Variants in SPTLC1 observed in about 807,000 individuals in gnomAD.
SPTLC1 encodes serine palmitoyltransferase long chain base subunit 1.
In SPTLC1, 55 loss-of-function variants were observed where a neutral mutation model predicts 68.9. The observed-to-expected ratio is 0.80, with a 90% CI of 0.64 to 1.00. The LOEUF is 1.00. SPTLC1 is among the 50% of genes least tolerant of loss of function. The pLI, the probability that SPTLC1 is intolerant of heterozygous loss-of-function variation, is 0.00. For missense variants in SPTLC1, 449 were observed against 573.1 expected (o/e 0.78, Z 2.21); for synonymous variants, 197 against 201.6 (o/e 0.98, Z 0.19).
At chr9:92,077,514 C>A (rs944441588) in intron 5 of SPTLC1, among the ~76,000 whole-genome samples, 1 of 152,108 alleles carries the variant, frequency 6.6e-6, no homozygotes, top group African/African-American at 2.4e-5. Context: ...AGACGACCAG[C>A]CTAGCTCCTC....
At chr9:92,105,921 C>A (rs1835959068) in intron 3 of SPTLC1, among the ~76,000 whole-genome samples, 1 of 150,476 alleles carries the variant, frequency 6.6e-6, no homozygotes, top group African/African-American at 2.4e-5. Flanking sequence ...TCTGCCCGGC[C>A]TCCTCACCAT....
chr9:92,114,565 G>T (rs916700382), intron 1 of SPTLC1, among the ~76,000 whole-genome samples: 2 of 152,024 alleles, frequency 1.3e-5, no homozygotes, highest in South Asian at 4.1e-4. Context: ...CAGAAACCCC[G>T]TCTCTAATAA....
intron 3 of SPTLC1, among the ~76,000 whole-genome samples, chr9:92,087,831 T>A (rs924391169): frequency 2.0e-5 from 3 of 152,262 alleles, no homozygotes; most frequent in Non-Finnish European, 2.9e-5. Flanking sequence ...TTTGTTTGTC[T>A]GTGCCCTGCC....
intron 4 of SPTLC1, 48 bp from the exon 5 acceptor site, chr9:92,080,136 T>C: frequency 1.3e-6 from 2 of 1,490,070 alleles, no homozygotes; most frequent in Non-Finnish European, 1.9e-6. Flanking sequence ...TCTTTAAGAG[T>C]TCAAAACAAA....
intron 5 of SPTLC1, among the ~76,000 whole-genome samples, chr9:92,075,848 C>T (rs75764672): frequency 0.07 from 10,672 of 152,252 alleles, 486 homozygotes; most frequent in East Asian, 0.15. Flanking sequence ...TCACTTACTA[C>T]CCACTACAAA....
intron 9 of SPTLC1, among the ~76,000 whole-genome samples, chr9:92,049,531 A>G (rs979637963): frequency 6.6e-6 from 1 of 152,016 alleles, no homozygotes; most frequent in Non-Finnish European, 1.5e-5. Context: ...AACTGTATCT[A>G]CCTCCCACAA....
In SPTLC1 at chr9:92,047,680, T is replaced by C. The variant is rs1198621911; in HGVS notation, c.917A>G (p.Asn306Ser). Residue 306 changes from asparagine (N) to serine (S), a missense_variant, in exon 10 of 15, where the codon AAC becomes AGC. Physicochemically the swap from Asn to Ser is conservative, Grantham distance 46. Transcript: ENST00000262554. The part of the protein sequence containing the change: ...NIDDIDLISA[N>S]MENALASIGG... ...AATAGAAGCAAGTGCATTCTCCATGTTGGCACTGATAAGATCAATATCATC... is the reference window on the plus strand; with the variant it reads ...AATAGAAGCAAGTGCATTCTCCATGCTGGCACTGATAAGATCAATATCATC... 1 of 1,613,364 alleles carries C rather than the reference T, an allele frequency of 6.2e-7. No individual in the cohort carries two copies. Among genetic ancestry groups the C allele is most frequent in the African/African-American group, 1.3e-5 (1 of 75,038 alleles).
intron 10 of SPTLC1, 61 bp downstream of exon 10, chr9:92,047,552 T>G: frequency 8.9e-7 from 1 of 1,125,612 alleles, no homozygotes; most frequent in South Asian, 1.3e-5. Context: ...AAATTATATT[T>G]TGAGGTGACC....
intron 5 of SPTLC1, chr9:92,070,225 G>A (rs1181591079): frequency 6.6e-6 from 1 of 152,182 alleles, no homozygotes; most frequent in Non-Finnish European, 1.5e-5. Context: ...CAGGTTTTGT[G>A]ACAGGTAAAT....
chr9:92,115,166 G>T, intron 1 of SPTLC1, 148 bp downstream of exon 1: 1 of 600,500 alleles, frequency 1.7e-6, no homozygotes, highest in Non-Finnish European at 3.1e-6. Flanking sequence ...GGGACTAGAA[G>T]CTCCCGGCAG....
At chr9:92,050,795 A>G (rs1833677608) in intron 8 of SPTLC1, among the ~76,000 whole-genome samples, 1 of 147,308 alleles carries the variant, frequency 6.8e-6, no homozygotes, top group South Asian at 2.2e-4. Flanking sequence ...ACTTAACAAA[A>G]GACAGCACAA....
intron 6 of SPTLC1, among the ~76,000 whole-genome samples, chr9:92,063,447 T>C (rs1477132443): frequency 6.6e-6 from 1 of 152,048 alleles, no homozygotes; most frequent in Non-Finnish European, 1.5e-5. Context: ...AATTAAATAA[T>C]TAAAAGTAAT....
chr9:92,038,110 C>G (rs1276302028), intron 13 of SPTLC1, 138 bp downstream of exon 13: 15 of 752,462 alleles, frequency 2.0e-5, no homozygotes, highest in Non-Finnish European at 2.9e-5. Context: ...ATGTCAAGAG[C>G]GGGTCACCAG....
intron 5 of SPTLC1, among the ~76,000 whole-genome samples, chr9:92,071,529 G>A (rs928256611): frequency 6.6e-6 from 1 of 152,206 alleles, no homozygotes; most frequent in African/African-American, 2.4e-5. Context: ...GTTTTCACAT[G>A]CGGTATCTTA....
At chr9:92,109,023 A>G (rs1836121282) in intron 2 of SPTLC1, 189 bp from the exon 3 acceptor site, 3 of 787,098 alleles carry the variant, frequency 3.8e-6, no homozygotes, top group Non-Finnish European at 5.7e-6. Context: ...ATGACCCACC[A>G]GACACATGCC....
intron 3 of SPTLC1, 30 bp downstream of exon 3, chr9:92,108,710 C>A (rs1445278620): frequency 6.3e-7 from 1 of 1,578,828 alleles, no homozygotes; most frequent in South Asian, 1.1e-5. Flanking sequence ...AAGCCAAATA[C>A]AAGTACTTCA....
intron 7 of SPTLC1, 109 bp from the exon 8 acceptor site, chr9:92,055,603 T>C (rs1833861953): frequency 9.2e-7 from 1 of 1,084,298 alleles, no homozygotes; most frequent in Non-Finnish European, 1.4e-6. Context: ...TAAAAAAATA[T>C]TCTGAATGAA....
chr9:92,073,769 C>T (rs1359239368), intron 5 of SPTLC1, among the ~76,000 whole-genome samples: 1 of 152,254 alleles, frequency 6.6e-6, no homozygotes, highest in Non-Finnish European at 1.5e-5. Context: ...TGCCAGGCGG[C>T]AGCGCGCCTT....
intron 3 of SPTLC1, among the ~76,000 whole-genome samples, chr9:92,084,152 G>T (rs1472258944): frequency 2.0e-5 from 3 of 151,284 alleles, no homozygotes; most frequent in Non-Finnish European, 4.4e-5. Context: ...CTGAGACAAT[G>T]GGGTTTTCTA....
Sources: gnomAD v4.1 joint callset for allele counts (sites outside exome capture counted in the v4.1 genomes callset) on GRCh38, gnomAD v4.1.1 for gene constraint, MANE v1.5 for transcripts, NCBI Gene and HGNC (gene_info 2026-07-23, HGNC 2026-07-21) for gene names.